Variants in RBM12 observed in about 807,000 individuals in gnomAD.
RBM12 encodes RNA binding motif protein 12, also known as RNA-binding protein 12.
RBM12 carries 24 observed loss-of-function variants against 37.2 expected under a neutral mutation model. The ratio of observed to expected loss-of-function variants is 0.65; its 90% CI spans 0.47 to 0.91. The LOEUF (loss-of-function observed/expected upper bound fraction) is 0.91. Ranked by LOEUF, RBM12 falls within the 40% of genes least tolerant of loss-of-function variation. The pLI is 0.00. For missense variants in RBM12, 1,061 were observed against 1,183.2 expected (o/e 0.90, Z 1.52); for synonymous variants, 420 against 425.2 (o/e 0.99, Z 0.15).
In RBM12 at chr20:35,653,910, A is replaced by C. The variant is rs1247834995; in HGVS notation, c.1413T>G (p.Thr471=). Residue 471 remains threonine (T), a synonymous_variant, in exon 3 of 3, where the codon ACT becomes ACG. Transcript: ENST00000374114. ...YIAYGPNGKA[T]GEGFVEFRNE... Reference sequence around the variant, plus strand: ...TTCTGAACTCTACAAAGCCTTCGCCAGTTGCTTTCCCATTGGGTCCATAAG... The same window carrying C: ...TTCTGAACTCTACAAAGCCTTCGCCCGTTGCTTTCCCATTGGGTCCATAAG... 1 of 1,614,204 alleles carries C rather than the reference A, an allele frequency of 6.2e-7. No homozygotes were observed. Among genetic ancestry groups the C allele is most frequent in the Non-Finnish European group, 8.5e-7 (1 of 1,180,036 alleles).
chr20:35,662,918 T>C (rs746963473), intron 1 of RBM12, among the ~76,000 whole-genome samples: 1 of 152,232 alleles, frequency 6.6e-6, no homozygotes, highest in Admixed American at 6.5e-5. Flanking sequence ...TCTAACAGAT[T>C]TGAACATAAA....
rs763684465 is a variant in RBM12, at chr20:35,649,289, T to C, written c.*3235A>G. ...TTGATGAGATTTTACACTTGGCCCA[T>C]ACCTGTACACAACCACAGACTCCAG... On this transcript the variant is annotated 3_prime_UTR_variant, in exon 3 of 3. Coordinates refer to ENST00000374114, the MANE Select transcript of RBM12 (RefSeq NM_006047.6). 73 of 152,352 alleles carry C rather than the reference T, an allele frequency of 4.8e-4. No homozygotes were observed. The highest frequency in any genetic ancestry group is 9.6e-4 in the Non-Finnish European group (65 of 68,016). The allele number at this position is 152,352 out of a possible 1,614,324, so 9.4% of individuals were successfully genotyped here.
At chr20:35,655,924 G>A (rs1345281234) in intron 2 of RBM12, among the ~76,000 whole-genome samples, 1 of 152,110 alleles carries the variant, frequency 6.6e-6, no homozygotes, top group African/African-American at 2.4e-5. Context: ...ATGAGAACTG[G>A]TTCCATTATT....
chr20:35,657,465 TGA>T (rs553443083), intron 2 of RBM12, among the ~76,000 whole-genome samples: 4 of 151,030 alleles, frequency 2.6e-5, no homozygotes, highest in Non-Finnish European at 4.4e-5. Flanking sequence ...CAAAACAACT[TGA>T]GAGAGAGAGA....
At position 35,654,192 on chromosome 20, in the gene RBM12, G is replaced by A. The variant is rs758454131; in HGVS notation, c.1131C>T (p.Ala377=). The A allele has an allele frequency of 6.2e-7, 1 of 1,614,076 alleles. No individual in the cohort carries two copies. The highest frequency in any genetic ancestry group is 8.5e-7 in the Non-Finnish European group (1 of 1,180,052). Residue 377 remains alanine (A), a synonymous_variant, in exon 3 of 3, where the codon GCC becomes GCT. Coordinates refer to ENST00000374114, the MANE Select transcript of RBM12 (RefSeq NM_006047.6). ...CAGCAGCTACCCACTGTCTTTCTGTGGCAGGGCTAACTTCCACATAGCGTT... is the reference window on the plus strand; with the variant it reads ...CAGCAGCTACCCACTGTCTTTCTGTAGCAGGGCTAACTTCCACATAGCGTT... The part of the protein sequence containing the change: ...MIQRYVEVSP[A]TERQWVAAGG...
intron 1 of RBM12, among the ~76,000 whole-genome samples, chr20:35,663,243 A>G (rs2034333228): frequency 6.6e-6 from 1 of 152,206 alleles, no homozygotes; most frequent in Non-Finnish European, 1.5e-5. Context: ...CCAGTCTTGT[A>G]TTGTAGTTCT....
At position 35,654,719 on chromosome 20, in the gene RBM12, T is replaced by C. The variant is rs146171962; in HGVS notation, c.604A>G (p.Met202Val). 42 of 1,613,548 alleles carry C rather than the reference T, an allele frequency of 2.6e-5. No homozygotes were observed. The highest frequency in any genetic ancestry group is 9.3e-5 in the African/African-American group (7 of 74,938). ...PIPAMPSLPPMPSIPPIPVPP... is the reference protein window; with the variant it reads ...PIPAMPSLPPVPSIPPIPVPP... ...ACTGGAATTGGGGGAATGGATGGCA[T>C]TGGTGGCAGAGATGGCATCGCTGGA... Residue 202 changes from methionine to valine, a missense_variant, in exon 3 of 3, where the codon ATG becomes GTG. Around this residue, in one of 3 missense-constraint regions of RBM12, gnomAD observed 540 missense variants for 632.7 expected, o/e 0.85. Coordinates refer to ENST00000374114, the MANE Select transcript of RBM12 (RefSeq NM_006047.6).
At chr20:35,657,746 T>C (rs1462595115) in intron 2 of RBM12, among the ~76,000 whole-genome samples, 1 of 152,216 alleles carries the variant, frequency 6.6e-6, no homozygotes, top group Non-Finnish European at 1.5e-5. Context: ...AAAAATTGTT[T>C]CTAGCTTCCA....
At chr20:35,663,040 A>C (rs2034320615) in intron 1 of RBM12, among the ~76,000 whole-genome samples, 1 of 152,232 alleles carries the variant, frequency 6.6e-6, no homozygotes, top group Admixed American at 6.5e-5. Flanking sequence ...ATATATACTA[A>C]GCACATCTTC....
Position 35,652,275 on chromosome 20 carries a change from G to C in RBM12, c.*249C>G. ...ATGTGGTCATTTGAGTTTTACAAAT[G>C]GTTTCTCTAATGGTATGCCAAAATC... On this transcript the variant is annotated 3_prime_UTR_variant, in exon 3 of 3. Coordinates refer to ENST00000374114, the MANE Select transcript of RBM12 (RefSeq NM_006047.6). 2.7e-6 allele frequency: 1 copy of C among 376,676 alleles called. No homozygotes were observed. Among genetic ancestry groups the C allele is most frequent in the Non-Finnish European group, 4.8e-6 (1 of 209,842 alleles). The allele number at this position is 376,676 out of a possible 1,614,324, so 23.3% of individuals were successfully genotyped here. A position where few individuals can be genotyped will look rare whatever the true frequency, so the allele number is the denominator to read the frequency against.
chr20:35,652,162 G>A lies in RBM12; in HGVS notation c.*362C>T, dbSNP rs11554015. The A allele has an allele frequency of 8.7e-3, 1,445 of 166,768 alleles. 12 individuals are homozygous for A. The highest frequency in any genetic ancestry group is 0.014 in the Non-Finnish European group (1,101 of 77,944). The allele number at this position is 166,768 out of a possible 1,614,324, so 10.3% of individuals were successfully genotyped here. On this transcript the variant is annotated 3_prime_UTR_variant, in exon 3 of 3. Coordinates refer to ENST00000374114, the MANE Select transcript of RBM12 (RefSeq NM_006047.6). ...CTTCTATTTTCAGCAGCTGGCAAGA[G>A]CACCCTCAATGAGTTCTACTGACAT...
intron 1 of RBM12, among the ~76,000 whole-genome samples, chr20:35,659,618 T>C (rs893482356): frequency 7.9e-5 from 12 of 152,210 alleles, no homozygotes; most frequent in Non-Finnish European, 1.6e-4. Flanking sequence ...GAAAGTGTTT[T>C]TTCCTCTGAC....
chr20:35,654,166 C>T lies in RBM12; in HGVS notation c.1157G>A (p.Gly386Glu), dbSNP rs1396513263. ...ATTTTGCTTAAAAGTGATATGGCCTCCAGCAGCTACCCACTGTCTTTCTGT... is the reference window on the plus strand; with the variant it reads ...ATTTTGCTTAAAAGTGATATGGCCTTCAGCAGCTACCCACTGTCTTTCTGT... ...PATERQWVAA[G>E]GHITFKQNMG... Residue 386 changes from glycine to glutamate, a missense_variant, in exon 3 of 3, where the codon GGA becomes GAA. Physicochemically the swap from Gly to Glu is moderately conservative, Grantham distance 98. Transcript: ENST00000374114. The T allele has an allele frequency of 1.2e-6, 2 of 1,614,212 alleles. No homozygotes were observed. The highest frequency in any genetic ancestry group is 2.2e-5 in the South Asian group (2 of 91,080).
Position 35,658,981 on chromosome 20 carries a change from T to C in RBM12, c.-74A>G. ...TAACAAGAAGTAGAGGCCAAGTCAA[T>C]CCTGTGGGCAACCAATTAAAACCAA... On this transcript the variant is annotated 5_prime_UTR_variant, in exon 2 of 3. Transcript: ENST00000374114. The C allele has an allele frequency of 1.4e-6, 1 of 717,190 alleles. No homozygotes were observed. The highest frequency in any genetic ancestry group is 1.5e-5 in the South Asian group (1 of 67,582). The allele number at this position is 717,190 out of a possible 1,614,324, so 44.4% of individuals were successfully genotyped here.
intron 1 of RBM12, among the ~76,000 whole-genome samples, chr20:35,659,246 G>C (rs1018086391): frequency 6.6e-6 from 1 of 151,662 alleles, no homozygotes; most frequent in Non-Finnish European, 1.5e-5. Context: ...ATTTACAAGA[G>C]TGTCATTAAC....
At position 35,652,875 on chromosome 20, in the gene RBM12, A is replaced by AG; in HGVS notation, c.2447dup (p.Gly817TrpfsTer33). On this transcript the variant is annotated frameshift_variant, in exon 3 of 3. Transcript: ENST00000374114. LOFTEE classifies it high-confidence loss of function. ...AAGCTGGTGGCCCACCCAAATGCCC[A>AG]GGGGCACTTCCAAGACCAGGAGGGC... 1 of 1,613,236 alleles carries AG rather than the reference A, an allele frequency of 6.2e-7. No homozygotes were observed. Among genetic ancestry groups the AG allele is most frequent in the Non-Finnish European group, 8.5e-7 (1 of 1,179,748 alleles).
rs1306990988 is a variant in RBM12, at chr20:35,664,876, C to T, written c.-224G>A. On this transcript the variant is annotated 5_prime_UTR_variant, in exon 1 of 3. Transcript: ENST00000374114. ...GCTTCCCGGAGCCCAACGCAGCCAC[C>T]ACCTCCTTCGCCGCTTCACAAAATG... 6.6e-6 allele frequency: 1 copy of T among 152,380 alleles called. No homozygotes were observed. The highest frequency in any genetic ancestry group is 1.5e-5 in the Non-Finnish European group (1 of 68,134). 9.4% of individuals were successfully genotyped at this position (152,380 alleles called of 1,614,324 possible). A position where few individuals can be genotyped will look rare whatever the true frequency, so the allele number is the denominator to read the frequency against.
At chr20:35,662,913 C>A (rs528181634) in intron 1 of RBM12, among the ~76,000 whole-genome samples, 2 of 152,296 alleles carry the variant, frequency 1.3e-5, no homozygotes, top group East Asian at 3.9e-4. Flanking sequence ...TTTCATCTAA[C>A]AGATTTGAAC....
At chr20:35,656,085 C>T (rs1303138563) in intron 2 of RBM12, among the ~76,000 whole-genome samples, 1 of 152,126 alleles carries the variant, frequency 6.6e-6, no homozygotes, top group Non-Finnish European at 1.5e-5. Context: ...ATTCATTACC[C>T]CCAAAAGTAG....
Sources: allele counts gnomAD v4.1 joint callset (sites outside exome capture counted in the v4.1 genomes callset), GRCh38; gene constraint gnomAD v4.1.1; regional missense constraint gnomAD v4.1.1; transcripts MANE v1.5; gene names NCBI Gene and HGNC (gene_info 2026-07-23, HGNC 2026-07-21).